Variants in PLCH2 observed in about 807,000 individuals in gnomAD.
PLCH2 encodes the protein phospholipase C eta 2.
PLCH2 carries 98 observed loss-of-function variants against 134.7 expected under a neutral mutation model. The observed-to-expected ratio is 0.73, with a 90% CI of 0.62 to 0.86. PLCH2 has a LOEUF of 0.86. Ranked by LOEUF, PLCH2 falls within the 40% of genes least tolerant of loss-of-function variation. The pLI is 0.00. For synonymous variants in PLCH2, 974 were observed against 827.5 expected, an observed-to-expected ratio of 1.18 and a Z score of -3.04; for missense variants, 1,994 against 1,986.6, an observed-to-expected ratio of 1.00 and a Z score of -0.07.
intron 2 of PLCH2, among the ~76,000 whole-genome samples, chr1:2,436,536 C>T (rs1189413849): frequency 1.5e-4 from 10 of 68,562 alleles, no homozygotes; most frequent in African/African-American, 9.4e-4. Context: ...TTTCCTCCTT[C>T]CTCCCTCCTC....
chr1:2,491,421 G>A, intron 11 of PLCH2, 86 bp downstream of exon 11: 1 of 1,394,078 alleles, frequency 7.2e-7, no homozygotes, highest in Non-Finnish European at 1.0e-6. Context: ...CCGAACGTAT[G>A]CTCTGTGCGC....
At chr1:2,457,783 G>C (rs1269608769) in intron 2 of PLCH2, among the ~76,000 whole-genome samples, 2 of 151,904 alleles carry the variant, frequency 1.3e-5, no homozygotes, top group Admixed American at 1.3e-4. Flanking sequence ...GAACCATCCC[G>C]GTCCCAGGAG....
intron 5 of PLCH2, among the ~76,000 whole-genome samples, chr1:2,486,504 C>T (rs562937223): frequency 3.3e-5 from 5 of 152,306 alleles, no homozygotes; most frequent in East Asian, 1.9e-4. Context: ...TAGTGTGTGA[C>T]GGCTTGGGCA....
upstream of PLCH2, chr1:2,476,261 A>C (rs752351349): frequency 6.8e-5 from 17 of 250,836 alleles, no homozygotes; most frequent in Non-Finnish European, 1.3e-4. Context: ...TAGCACAGGG[A>C]TTGGGCCTGG....
chr1:2,438,470 C>A (rs1322275757), intron 2 of PLCH2, among the ~76,000 whole-genome samples: 1 of 152,130 alleles, frequency 6.6e-6, no homozygotes, highest in South Asian at 2.1e-4. Flanking sequence ...TCTCCCATGC[C>A]CCTGCCATGT....
At chr1:2,466,878 G>T (rs566274398), upstream of PLCH2, among the ~76,000 whole-genome samples, 1 of 152,180 alleles carries the variant, frequency 6.6e-6, no homozygotes, top group East Asian at 1.9e-4. Flanking sequence ...ACAGGAAGGG[G>T]TGTAGCAGCA....
intron 2 of PLCH2, among the ~76,000 whole-genome samples, chr1:2,447,076 G>A (rs1466696451): frequency 1.3e-5 from 2 of 152,168 alleles, no homozygotes; most frequent in Non-Finnish European, 2.9e-5. Flanking sequence ...AGCAGCCTTT[G>A]GGTGTCGATT....
At chr1:2,441,332 C>T (rs989797415) in intron 2 of PLCH2, among the ~76,000 whole-genome samples, 3 of 152,222 alleles carry the variant, frequency 2.0e-5, no homozygotes, top group South Asian at 2.1e-4. Context: ...GCGTCGCATC[C>T]GGCCTGGGTT....
At chr1:2,424,510 T>G (rs1638674494), upstream of PLCH2, among the ~76,000 whole-genome samples, 2 of 152,236 alleles carry the variant, frequency 1.3e-5, no homozygotes, top group South Asian at 2.1e-4. Context: ...TAACTTGATG[T>G]TCTCCAGTTC....
In PLCH2 at chr1:2,444,103, C is replaced by A. The variant is rs1229732704; in HGVS notation, c.115+13474C>A. Reference sequence around the variant, plus strand: ...CAGACTCGGGAGCGGAGGCTCGGATCGCGGTGGCACGGGCAGGGGTGCGGG... The same window carrying A: ...CAGACTCGGGAGCGGAGGCTCGGATAGCGGTGGCACGGGCAGGGGTGCGGG... On this transcript the variant is annotated intron_variant, in intron 2 of 3. Coordinates refer to the PLCH2 transcript ENST00000609981. The surrounding 1 kb of genome is among the most constrained non-coding windows in gnomAD (Gnocchi z 4.6). Among the ~76,000 whole-genome samples the A allele has an allele frequency of 6.6e-6, 1 of 152,074 alleles. No homozygotes were observed. The highest frequency in any genetic ancestry group is 1.5e-5 in the Non-Finnish European group (1 of 67,982).
Position 2,504,213 on chromosome 1 carries a change from C to A in PLCH2, c.3251C>A (p.Thr1084Asn). 1.3e-6 allele frequency: 2 copies of A among 1,560,692 alleles called. No homozygotes were observed. The highest frequency in any genetic ancestry group is 1.7e-6 in the Non-Finnish European group (2 of 1,153,838). The change falls in exon 22 of 22, where the codon ACC becomes AAC. Residue 1084 changes from threonine to asparagine, a missense_variant. Physicochemically the swap from Thr to Asn is moderately conservative, Grantham distance 65. Coordinates refer to ENST00000378486, the MANE Select transcript of PLCH2 (RefSeq NM_014638.4). ...ACGGACGGCAGGAGCCAGCCCCGGA[C>A]CCTGGGCCACCTGCCCGTGATTAGA... ...SQTDGRSQPRTLGHLPVIRRV... is the reference protein window; with the variant it reads ...SQTDGRSQPRNLGHLPVIRRV...
chr1:2,503,534 G>A (rs903414697), intron 21 of PLCH2: 21 of 682,410 alleles, frequency 3.1e-5, no homozygotes, highest in East Asian at 1.9e-4. Flanking sequence ...GGACATACAC[G>A]GAGCCCGCCC....
chr1:2,449,810 C>A (rs1640109400), intron 2 of PLCH2, among the ~76,000 whole-genome samples: 1 of 152,238 alleles, frequency 6.6e-6, no homozygotes, highest in Non-Finnish European at 1.5e-5. Flanking sequence ...AGCCACCTCT[C>A]AGGGACAGTG....
At chr1:2,417,456 C>T in the PLCH2 span, among the ~76,000 whole-genome samples, 1 of 152,118 alleles carries the variant, frequency 6.6e-6, no homozygotes, top group Admixed American at 6.5e-5. Context: ...GGGAGGGGGC[C>T]TGGTGAGTCT....
At chr1:2,426,458 G>A (rs1311533938) in intron 1 of PLCH2, among the ~76,000 whole-genome samples, 1 of 152,182 alleles carries the variant, frequency 6.6e-6, no homozygotes, top group African/African-American at 2.4e-5. Flanking sequence ...GCTGCCGTGA[G>A]CAGCCTCCTG....
In PLCH2 at chr1:2,496,997, C is replaced by G; in HGVS notation, c.2103C>G (p.Ala701=). ...SNYNPQPFWN[A]GCQMVALNYQ... is the part of the protein sequence containing the mutation. ...ACAACCCGCAGCCCTTCTGGAACGC[C>G]GGCTGCCAAATGGGTGGGTGCGGGC... Residue 701 remains alanine (A), a synonymous_variant, in exon 15 of 22, where the codon GCC becomes GCG. Transcript: ENST00000378486. 1 of 1,612,910 alleles carries G rather than the reference C, an allele frequency of 6.2e-7. No individual in the cohort carries two copies. Among genetic ancestry groups the G allele is most frequent in the Non-Finnish European group, 8.5e-7 (1 of 1,179,710 alleles).
At chr1:2,462,479 C>T (rs1557973845), upstream of PLCH2, among the ~76,000 whole-genome samples, 2 of 151,594 alleles carry the variant, frequency 1.3e-5, no homozygotes, top group African/African-American at 2.4e-5. Flanking sequence ...ACCTGACACC[C>T]CCTCTGCCTG....
chr1:2,447,487 T>C (rs1406176506), intron 2 of PLCH2, among the ~76,000 whole-genome samples: 1 of 152,036 alleles, frequency 6.6e-6, no homozygotes, highest in Non-Finnish European at 1.5e-5. Context: ...GGGACATGCA[T>C]AGTGGGTGGA....
At chr1:2,445,290 G>A (rs1016353914) in intron 2 of PLCH2, among the ~76,000 whole-genome samples, 3 of 152,128 alleles carry the variant, frequency 2.0e-5, no homozygotes, top group Non-Finnish European at 2.9e-5. Flanking sequence ...TCTGGGAGGT[G>A]AGAGAGCTGA....
Sources: allele counts gnomAD v4.1 joint callset (sites outside exome capture counted in the v4.1 genomes callset), GRCh38; gene constraint gnomAD v4.1.1; non-coding constraint Gnocchi (gnomAD v3.1); transcripts MANE v1.5; gene names NCBI Gene and HGNC (gene_info 2026-07-23, HGNC 2026-07-21).